The following RBPJL variants were observed in gnomAD, a reference collection of about 807,000 sequenced individuals.
The protein encoded by RBPJL is recombining binding protein suppressor of hairless-like protein.
In RBPJL, 50 loss-of-function variants were observed where a neutral mutation model predicts 57.6. That is an observed-to-expected ratio of 0.87 (90% CI 0.69 to 1.10). The LOEUF (loss-of-function observed/expected upper bound fraction) is 1.10, where lower values mean the gene tolerates loss of function less well. RBPJL is among the 50% of genes least tolerant of loss of function. The probability of loss-of-function intolerance (pLI) is 0.00; values close to 1 mark genes in which losing one functional copy is unlikely to be tolerated. For missense variants in RBPJL, 684 were observed against 693.7 expected (o/e 0.99, Z 0.16); for synonymous variants, 303 against 294.4 (o/e 1.03, Z -0.30).
chr20:45,311,185 AAGAG>A (rs889070172), intron 3 of RBPJL, among the ~76,000 whole-genome samples: 3 of 150,114 alleles, frequency 2.0e-5, no homozygotes, highest in African/African-American at 4.9e-5. Context: ...AAAAGAAAGA[AAGAG>A]AGAGGAAGGA....
intron 9 of RBPJL, among the ~76,000 whole-genome samples, chr20:45,315,162 A>C (rs1223501658): frequency 6.6e-6 from 1 of 152,232 alleles, no homozygotes; most frequent in African/African-American, 2.4e-5. Flanking sequence ...GAGAGCAGAG[A>C]ATTAATGAGC....
chr20:45,314,380 G>A, intron 8 of RBPJL, 33 bp from the exon 9 acceptor site: 2 of 1,599,266 alleles, frequency 1.3e-6, no homozygotes, highest in Non-Finnish European at 1.7e-6. Flanking sequence ...CGGGCTCCTT[G>A]CCACCACTGT....
At position 45,316,666 on chromosome 20, in the gene RBPJL, C is replaced by A; in HGVS notation, c.1281-20C>A. On this transcript the variant is annotated intron_variant, in intron 11 of 11. Transcript: ENST00000343694. ...GTCGTCGGAGTCGCCGCAGCCCTCA[C>A]CCTGGTGCTCCACCCCCAGGAGCCC... is the stretch of plus-strand genomic sequence containing the variant. The A allele has an allele frequency of 6.4e-7, 1 of 1,570,016 alleles. No individual in the cohort carries two copies. The highest frequency in any genetic ancestry group is 8.6e-7 in the Non-Finnish European group (1 of 1,157,064).
intron 1 of RBPJL, among the ~76,000 whole-genome samples, chr20:45,307,375 AG>A (rs1247047642): frequency 1.3e-5 from 2 of 151,980 alleles, no homozygotes; most frequent in Non-Finnish European, 2.9e-5. Flanking sequence ...TTCCCCTCCC[AG>A]GCCTGGTAGA....
Position 45,316,865 on chromosome 20 carries a change from G to GCGTC in RBPJL, c.1462_1465dup (p.Pro489ArgfsTer75). 4.3e-6 allele frequency: 7 copies of GCGTC among 1,613,822 alleles called. No homozygotes were observed. Among genetic ancestry groups the GCGTC allele is most frequent in the Non-Finnish European group, 5.9e-6 (7 of 1,179,806 alleles). ...TACAGCGTGCGGCCGGGTCACCCCG[G>GCGTC]CGTCCCCGAGCCCGCCACCGACGCC... On this transcript the variant is annotated frameshift_variant, in exon 12 of 12. Coordinates refer to ENST00000343694, the MANE Select transcript of RBPJL (RefSeq NM_014276.4). LOFTEE classifies it high-confidence loss of function.
chr20:45,312,064 G>A lies in RBPJL; in HGVS notation c.444+110G>A, dbSNP rs146693124. 172 of 1,426,042 alleles carry A rather than the reference G, an allele frequency of 1.2e-4. 2 individuals carry two copies. In the East Asian group the frequency reaches 3.8e-3, roughly 31 times the overall value. 88.3% of individuals were successfully genotyped at this position (1,426,042 alleles called of 1,614,324 possible). ...AGCCAAGAGATAGGTGGGGAGACCG[G>A]GAGGCCGGGGTCCTGCCTTAAGGCC... is the stretch of plus-strand genomic sequence containing the variant. On this transcript the variant is annotated intron_variant, in intron 5 of 11. Transcript: ENST00000343694.
chr20:45,312,283 G>T lies in RBPJL; in HGVS notation c.507G>T (p.Leu169=). 1 of 1,614,156 alleles carries T rather than the reference G, an allele frequency of 6.2e-7. No individual in the cohort carries two copies. Among genetic ancestry groups the T allele is most frequent in the Non-Finnish European group, 8.5e-7 (1 of 1,179,974 alleles). ...SDADKRKHFR[L]VLRLVLRGGR... ...CAGACAAGAGGAAGCACTTTCGGCT[G>T]GTGCTGCGGCTGGTGCTGCGCGGGG... The change falls in exon 6 of 12, where the codon CTG becomes CTT. Residue 169 remains leucine, a synonymous_variant. Transcript: ENST00000343694.
chr20:45,316,474 C>T lies in RBPJL; in HGVS notation c.1177-3C>T, dbSNP rs200856302. ...CACCTCACCTGGTCCCACCCTCCCCCAGCTGAGCGGCGGGGGCGACGTGGC... is the reference window on the plus strand; with the variant it reads ...CACCTCACCTGGTCCCACCCTCCCCTAGCTGAGCGGCGGGGGCGACGTGGC... On this transcript the variant is annotated splice_region_variant and splice_polypyrimidine_tract_variant and intron_variant, in intron 10 of 11. Coordinates refer to ENST00000343694, the MANE Select transcript of RBPJL (RefSeq NM_014276.4). 3.6e-4 allele frequency: 563 copies of T among 1,549,248 alleles called. 1 individual carries two copies. In the African/African-American group the frequency reaches 5.3e-3, roughly 15 times the overall value.
Position 45,313,551 on chromosome 20 carries a change from G to A in RBPJL, c.703G>A (p.Asp235Asn), listed in dbSNP as rs766474531. ...CTCCACACGCTACCTCTCTGTGGAG[G>A]ATGGGGCCTTTGTGGCCAGTGCACG... ...TVSTRYLSVE[D>N]GAFVASARQW... is the part of the protein sequence containing the mutation. The change falls in exon 7 of 12, where the codon GAT becomes AAT. Residue 235 changes from aspartate (D) to asparagine (N), a missense_variant. Physicochemically the swap from Asp to Asn is conservative, Grantham distance 23. Coordinates refer to ENST00000343694, the MANE Select transcript of RBPJL (RefSeq NM_014276.4). The A allele has an allele frequency of 7.1e-5, 114 of 1,613,876 alleles. No homozygotes were observed. Among genetic ancestry groups the A allele is most frequent in the Non-Finnish European group, 9.2e-5 (108 of 1,179,968 alleles).
intron 9 of RBPJL, among the ~76,000 whole-genome samples, chr20:45,314,897 A>T (rs1987377068): frequency 6.6e-6 from 1 of 152,222 alleles, no homozygotes; most frequent in African/African-American, 2.4e-5. Flanking sequence ...AGACTGGCCA[A>T]CATGGTGAAA....
intron 9 of RBPJL, chr20:45,315,822 AAAAG>A (rs895099858): frequency 1.7e-5 from 3 of 181,160 alleles, no homozygotes; most frequent in African/African-American, 7.2e-5. Flanking sequence ...AGAAAGAAAG[AAAAG>A]AAAGAGAAAG....
intron 2 of RBPJL, 67 bp downstream of exon 2, chr20:45,308,318 G>C (rs11907224): frequency 9.1e-7 from 1 of 1,097,650 alleles, no homozygotes; most frequent in Non-Finnish European, 1.4e-6. Context: ...CAGAGGCAAC[G>C]GCCGCATTTA....
At chr20:45,307,515 A>G (rs2743312) in intron 1 of RBPJL, among the ~76,000 whole-genome samples, 87,064 of 151,984 alleles carry the variant, frequency 0.57, 25,426 homozygotes, top group East Asian at 0.83. Flanking sequence ...ACATCCCTGG[A>G]CAGCATGAGG....
intron 9 of RBPJL, 197 bp from the exon 10 acceptor site, chr20:45,315,990 A>T: frequency 2.4e-6 from 1 of 412,518 alleles, no homozygotes; most frequent in Non-Finnish European, 4.3e-6. Context: ...AGAAGAAATC[A>T]GCTAGCTCAA....
rs771683489 is a variant in RBPJL, at chr20:45,314,521, GGCACCT to G, written c.977_982del (p.Gly326_Tyr328delinsAsp). 6.2e-7 allele frequency: 1 copy of G among 1,614,118 alleles called. No individual in the cohort carries two copies. The highest frequency in any genetic ancestry group is 1.7e-5 in the Admixed American group (1 of 60,018). On this transcript the variant is annotated inframe_deletion, in exon 9 of 12. Coordinates refer to ENST00000343694, the MANE Select transcript of RBPJL (RefSeq NM_014276.4). ...TCCAGGCAGTCCCCCAGGAGGGGGTGGCACCTACTTATGCCTTGCCACAGAGAAGGT... is the reference window on the plus strand; with the variant it reads ...TCCAGGCAGTCCCCCAGGAGGGGGTGACTTATGCCTTGCCACAGAGAAGGT...
chr20:45,316,699 C>T lies in RBPJL; in HGVS notation c.1294C>T (p.Leu432=), dbSNP rs1327579483. Residue 432 remains leucine (L), a synonymous_variant, in exon 12 of 12, where the codon CTG becomes TTG. Coordinates refer to ENST00000343694, the MANE Select transcript of RBPJL (RefSeq NM_014276.4). ...AETMYRSPRS[L]VCVVPDVAAF... ...CTCCACCCCCAGGAGCCCGCGGTCC[C>T]TGGTGTGCGTGGTGCCGGACGTGGC... The T allele has an allele frequency of 6.2e-7, 1 of 1,606,854 alleles. No homozygotes were observed. The highest frequency in any genetic ancestry group is 1.1e-5 in the South Asian group (1 of 90,344).
chr20:45,307,351 G>C lies in RBPJL; in HGVS notation c.22+407G>C, dbSNP rs146513449. ...CACTCCAGGCGACCTTCTCATCCCG[G>C]ATTCTTCTCCCTTTTCCCCTCCCAG... On this transcript the variant is annotated intron_variant, in intron 1 of 11. Transcript: ENST00000343694. Among the ~76,000 whole-genome samples, 8 of 152,264 alleles carry C rather than the reference G, an allele frequency of 5.3e-5. 1 individual carries two copies. Among genetic ancestry groups the C allele is most frequent in the African/African-American group, 1.9e-4 (8 of 41,540 alleles).
intron 2 of RBPJL, among the ~76,000 whole-genome samples, chr20:45,309,297 G>A (rs987203509): frequency 6.6e-6 from 1 of 152,184 alleles, no homozygotes; most frequent in African/African-American, 2.4e-5. Flanking sequence ...GACCCACAGA[G>A]TGGAACCTGG....
At position 45,314,644 on chromosome 20, in the gene RBPJL, C is replaced by T. The variant is rs571142732; in HGVS notation, c.1020+79C>T. The T allele has an allele frequency of 1.3e-4, 186 of 1,416,482 alleles. No homozygotes were observed. In the South Asian group the frequency reaches 2.2e-3, roughly 17 times the overall value. 87.7% of individuals were successfully genotyped at this position (1,416,482 alleles called of 1,614,324 possible). ...AACCACAGAATGTAAGATCATCACC[C>T]TCACCATGGTTGCTACTTCCTGAGC... On this transcript the variant is annotated intron_variant, in intron 9 of 11. Coordinates refer to ENST00000343694, the MANE Select transcript of RBPJL (RefSeq NM_014276.4).
Sources: allele counts gnomAD v4.1 joint callset (sites outside exome capture counted in the v4.1 genomes callset), GRCh38; gene constraint gnomAD v4.1.1; transcripts MANE v1.5; gene names NCBI Gene and HGNC (gene_info 2026-07-23, HGNC 2026-07-21).